MATK: variants seen among roughly 807,000 people sequenced by gnomAD.
MATK encodes the protein megakaryocyte-associated tyrosine kinase.
MATK carries 41 observed loss-of-function variants against 59.8 expected under a neutral mutation model. The ratio of observed to expected loss-of-function variants is 0.69; its 90% CI spans 0.53 to 0.89. MATK has a LOEUF of 0.89. MATK is among the 40% of genes least tolerant of loss of function. MATK has a pLI of 0.00. For missense variants in MATK, 593 were observed against 719.6 expected, an observed-to-expected ratio of 0.82 and a Z score of 2.01; for synonymous variants, 308 against 306.1, an observed-to-expected ratio of 1.01 and a Z score of -0.06.
chr19:3,792,122 A>G (rs1568410436), intron 1 of MATK, among the ~76,000 whole-genome samples: 2 of 134,558 alleles, frequency 1.5e-5, no homozygotes, highest in Non-Finnish European at 3.2e-5. Flanking sequence ...AAAAAAAAAA[A>G]GTGTAAAGTG....
rs2037366754 is a variant in MATK at position 3,779,459 on chromosome 19, G to A, written c.928-8C>T. ...AAAGTTCACCAGGTTGCCCTGTTGG[G>A]GGTGGGAGATGGCCGCGGGATGTTG... On this transcript the variant is annotated splice_region_variant and splice_polypyrimidine_tract_variant and intron_variant, in intron 10 of 13. Coordinates refer to ENST00000310132, the MANE Select transcript of MATK (RefSeq NM_139355.3). 6.2e-7 allele frequency: 1 copy of A among 1,612,916 alleles called. No individual in the cohort carries two copies. The highest frequency in any genetic ancestry group is 1.3e-5 in the African/African-American group (1 of 74,942).
At chr19:3,788,513 G>A (rs2037510739), upstream of MATK, among the ~76,000 whole-genome samples, 1 of 151,216 alleles carries the variant, frequency 6.6e-6, no homozygotes, top group African/African-American at 2.4e-5. Flanking sequence ...CCAGCTACTC[G>A]GGAGGCCAAG....
intron 6 of MATK, 52 bp from the exon 7 acceptor site, chr19:3,783,271 GCATCCTGTT>G: frequency 1.0e-6 from 1 of 955,596 alleles, no homozygotes; most frequent in Non-Finnish European, 1.5e-6. Context: ...GGGAACCCCA[GCATCCTGTT>G]CCGTTCCCGG....
At position 3,784,109 on chromosome 19, in the gene MATK, G is replaced by A; in HGVS notation, c.362+15C>T. 2 of 1,601,692 alleles carry A rather than the reference G, an allele frequency of 1.2e-6. No homozygotes were observed. Among genetic ancestry groups the A allele is most frequent in the Non-Finnish European group, 1.7e-6 (2 of 1,171,936 alleles). ...TTGCTGTCCCCTACCCCAGGCCCCT[G>A]TCCTGCCCACTCACGGCATGAGGCT... On this transcript the variant is annotated intron_variant, in intron 5 of 13. Coordinates refer to ENST00000310132, the MANE Select transcript of MATK (RefSeq NM_139355.3).
chr19:3,791,350 A>T (rs12982720), upstream of MATK, among the ~76,000 whole-genome samples: 3 of 148,802 alleles, frequency 2.0e-5, no homozygotes, highest in South Asian at 2.1e-4. Context: ...ACCTCCCCCC[A>T]CTTTTTTTTT....
chr19:3,788,243 C>G (rs1040375381), upstream of MATK, among the ~76,000 whole-genome samples: 3 of 151,694 alleles, frequency 2.0e-5, no homozygotes, highest in African/African-American at 7.3e-5. Flanking sequence ...AATCCCAGCA[C>G]TTTGGGAGGC....
intron 1 of MATK, among the ~76,000 whole-genome samples, chr19:3,792,789 A>G (rs185930265): frequency 8.1e-4 from 123 of 152,232 alleles, no homozygotes; most frequent in African/African-American, 2.9e-3. Flanking sequence ...AAGTGCTGGG[A>G]TTACAGGCGT....
upstream of MATK, chr19:3,789,308 G>A: frequency 1.3e-6 from 1 of 779,256 alleles, no homozygotes; most frequent in Non-Finnish European, 2.4e-6. Context: ...CCTCGCCGAG[G>A]TCTGCCTTCT....
At position 3,792,600 on chromosome 19, in the gene MATK, G is replaced by A. The variant is rs150668793; in HGVS notation, c.-57-3196C>T. ...GCGATCTCAGCTCACTGCAACCTCT[G>A]CCTCCTGGGTTCAAGCGATTCTCCT... is the stretch of plus-strand genomic sequence containing the variant. On this transcript the variant is annotated intron_variant, in intron 1 of 13. Transcript: ENST00000395045. Among the ~76,000 whole-genome samples the A allele has an allele frequency of 4.8e-3, 660 of 138,654 alleles. 5 individuals are homozygous for A. Among genetic ancestry groups the A allele is most frequent in the African/African-American group, 0.017 (624 of 36,832 alleles). 91.0% of individuals were successfully genotyped at this position (138,654 alleles called of 152,430 possible).
intron 7 of MATK, among the ~76,000 whole-genome samples, chr19:3,781,924 T>C (rs912492887): frequency 3.9e-5 from 6 of 152,102 alleles, no homozygotes; most frequent in Non-Finnish European, 8.8e-5. Flanking sequence ...ACAGGAGGGA[T>C]AGTGGTGTGA....
At chr19:3,790,878 G>A (rs1007306420), upstream of MATK, among the ~76,000 whole-genome samples, 2 of 152,080 alleles carry the variant, frequency 1.3e-5, no homozygotes, top group African/African-American at 4.8e-5. Context: ...TGTGATAGGT[G>A]TGAGCCTGGC....
At chr19:3,799,020 G>T (rs182185093) in intron 1 of MATK, among the ~76,000 whole-genome samples, 51 of 150,606 alleles carry the variant, frequency 3.4e-4, no homozygotes, top group African/African-American at 1.2e-3. Flanking sequence ...GCCCAGGCTG[G>T]TCTCAAACTC....
intron 1 of MATK, among the ~76,000 whole-genome samples, chr19:3,799,844 G>T: frequency 6.7e-6 from 1 of 150,226 alleles, no homozygotes; most frequent in East Asian, 2.0e-4. Flanking sequence ...TTGTCTCAAA[G>T]AAAAATAAGA....
rs1403794564 is a variant in MATK, at chr19:3,779,399, G to A, written c.980C>T (p.Ala327Val). The A allele has an allele frequency of 2.5e-6, 4 of 1,613,226 alleles. No homozygotes were observed. The highest frequency in any genetic ancestry group is 1.3e-5 in the African/African-American group (1 of 74,954). The change falls in exon 11 of 14, where the codon GCT becomes GTT. Residue 327 changes from alanine (A) to valine (V), a missense_variant. Transcript: ENST00000310132. ...TTACAGAGAAAACTGCAGGAGCTGA[G>A]CGGTGTTCACGAGGGCTCGACCCCG... ...RTRGRALVNT[A>V]QLLQFSLHVA...
At chr19:3,799,237 G>T (rs2037622446) in intron 1 of MATK, among the ~76,000 whole-genome samples, 1 of 152,116 alleles carries the variant, frequency 6.6e-6, no homozygotes, top group South Asian at 2.1e-4. Context: ...TCTCTGCACA[G>T]TTGGGGACTA....
At position 3,784,094 on chromosome 19, in the gene MATK, C is replaced by T. The variant is rs1463390119; in HGVS notation, c.362+30G>A. On this transcript the variant is annotated intron_variant, in intron 5 of 13. Coordinates refer to ENST00000310132, the MANE Select transcript of MATK (RefSeq NM_139355.3). ...TGGAGGGGGGGTCACTTGCTGTCCC[C>T]TACCCCAGGCCCCTGTCCTGCCCAC... 5 of 1,592,680 alleles carry T rather than the reference C, an allele frequency of 3.1e-6. No homozygotes were observed. The African/African-American group carries it at 4.0e-5, about 13-fold the overall frequency.
rs775058346 is a variant in MATK at position 3,779,495 on chromosome 19, G to A, written c.927+38C>T. ...GGCCGCGGGATGTTGGGGCTGCTCC[G>A]CTGCGTGGGCCCCCTCCCCGCCTGG... On this transcript the variant is annotated intron_variant, in intron 10 of 13. Transcript: ENST00000310132. The A allele has an allele frequency of 4.3e-6, 7 of 1,610,560 alleles. No individual in the cohort carries two copies. In the East Asian group the frequency reaches 1.1e-4, roughly 26 times the overall value.
At chr19:3,798,824 A>G (rs1468368807) in intron 1 of MATK, among the ~76,000 whole-genome samples, 1 of 146,636 alleles carries the variant, frequency 6.8e-6, no homozygotes, top group Non-Finnish European at 1.5e-5. Context: ...TTTTTTTTTT[A>G]AGGCAGGGTC....
At chr19:3,790,006 A>T (rs1470223482), upstream of MATK, among the ~76,000 whole-genome samples, 1 of 152,060 alleles carries the variant, frequency 6.6e-6, no homozygotes, top group African/African-American at 2.4e-5. Flanking sequence ...GGTTCAAGTG[A>T]TTCGCCTTCC....
Sources: allele counts gnomAD v4.1 joint callset (sites outside exome capture counted in the v4.1 genomes callset), GRCh38; gene constraint gnomAD v4.1.1; transcripts MANE v1.5; gene names NCBI Gene and HGNC (gene_info 2026-07-23, HGNC 2026-07-21).